The following PPARGC1A variants were observed in gnomAD, a reference collection of about 807,000 sequenced individuals.
PPARGC1A encodes the protein PPARG coactivator 1 alpha, also known as peroxisome proliferator-activated receptor gamma coactivator 1-alpha.
In PPARGC1A, 25 loss-of-function variants were observed where a neutral mutation model predicts 88.7. That is an observed-to-expected ratio of 0.28 (90% CI 0.21 to 0.39). The LOEUF (loss-of-function observed/expected upper bound fraction) is 0.39. Among genes scored for constraint, PPARGC1A ranks in the 10% least tolerant of loss-of-function variants. The pLI, the probability that PPARGC1A is intolerant of heterozygous loss-of-function variation, is 1.00. For synonymous variants in PPARGC1A, 363 were observed against 355.6 expected, an observed-to-expected ratio of 1.02 and a Z score of -0.24; for missense variants, 880 against 968.7, an observed-to-expected ratio of 0.91 and a Z score of 1.22.
At chr4:24,175,395 A>T in the PPARGC1A span, among the ~76,000 whole-genome samples, 1 of 119,380 alleles carries the variant, frequency 8.4e-6, no homozygotes, top group African/African-American at 3.2e-5. Context: ...TTTTTTTGAG[A>T]CAGAGTTTCA....
the PPARGC1A span, among the ~76,000 whole-genome samples, chr4:23,910,371 T>G: frequency 2.1e-5 from 2 of 97,548 alleles, no homozygotes; most frequent in Non-Finnish European, 3.8e-5. Context: ...ATATATTATA[T>G]TATATTATAT....
At chr4:24,112,145 T>G in the PPARGC1A span, among the ~76,000 whole-genome samples, 1 of 152,146 alleles carries the variant, frequency 6.6e-6, no homozygotes, top group Non-Finnish European at 1.5e-5. Flanking sequence ...AACCTCTAAG[T>G]CAGGAATGAC....
At position 23,884,909 on chromosome 4, in the gene PPARGC1A, T is replaced by C; in HGVS notation, c.77A>G (p.Asp26Gly). 6.2e-7 allele frequency: 1 copy of C among 1,613,506 alleles called. No homozygotes were observed. Among genetic ancestry groups the C allele is most frequent in the Non-Finnish European group, 8.5e-7 (1 of 1,179,702 alleles). The change falls in exon 2 of 13, where the codon GAC becomes GGC. Residue 26 changes from aspartate to glycine, a missense_variant. Physicochemically the swap from Asp to Gly is moderately conservative, Grantham distance 94. Coordinates refer to ENST00000264867, the MANE Select transcript of PPARGC1A (RefSeq NM_013261.5). Reference protein sequence around the residue: ...DIECAALVGEDQPLCPDLPEL... With the variant: ...DIECAALVGEGQPLCPDLPEL... ...AGGAAGATCTGGGCAAAGAGGCTGG[T>C]CTTCACCAACCAGAGCAGCACACTG... is the stretch of plus-strand genomic sequence containing the variant.
At chr4:24,262,771 GT>G in the PPARGC1A span, among the ~76,000 whole-genome samples, 25 of 147,406 alleles carry the variant, frequency 1.7e-4, no homozygotes, top group African/African-American at 2.2e-4. Flanking sequence ...CTGCTCCCTG[GT>G]TTTTTTTTTT....
At chr4:24,235,411 T>C in the PPARGC1A span, among the ~76,000 whole-genome samples, 1 of 152,270 alleles carries the variant, frequency 6.6e-6, no homozygotes, top group East Asian at 1.9e-4. Context: ...GTAAGGAGGA[T>C]TTTTCCCAGC....
At chr4:24,161,082 T>A in the PPARGC1A span, among the ~76,000 whole-genome samples, 1 of 152,212 alleles carries the variant, frequency 6.6e-6, no homozygotes, top group Non-Finnish European at 1.5e-5. Context: ...CTACCCTCAA[T>A]GAAATGGTTC....
chr4:23,863,564 G>A (rs1731626001), intron 2 of PPARGC1A, among the ~76,000 whole-genome samples: 1 of 152,112 alleles, frequency 6.6e-6, no homozygotes, highest in Admixed American at 6.6e-5. Context: ...CACCACTACT[G>A]TGTTGCTCAT....
chr4:24,391,995 T>C, the PPARGC1A span, among the ~76,000 whole-genome samples: 1 of 152,164 alleles, frequency 6.6e-6, no homozygotes, highest in Admixed American at 6.5e-5. Context: ...TAATGTAAAA[T>C]TGATCAAAAT....
At chr4:24,321,362 A>G in the PPARGC1A span, among the ~76,000 whole-genome samples, 2 of 152,226 alleles carry the variant, frequency 1.3e-5, no homozygotes, top group Admixed American at 1.3e-4. Context: ...ATTAAAATGC[A>G]TAATCCTATA....
chr4:24,265,371 G>A, the PPARGC1A span, among the ~76,000 whole-genome samples: 1 of 152,136 alleles, frequency 6.6e-6, no homozygotes, highest in African/African-American at 2.4e-5. Context: ...GGCAACATCT[G>A]AACACTTCTC....
the PPARGC1A span, among the ~76,000 whole-genome samples, chr4:24,217,926 T>C: frequency 0.059 from 9,055 of 152,274 alleles, 346 homozygotes; most frequent in South Asian, 0.11. Context: ...TGTAGTCTTC[T>C]AATGTTTCTA....
At chr4:24,129,473 G>A in the PPARGC1A span, among the ~76,000 whole-genome samples, 1 of 152,130 alleles carries the variant, frequency 6.6e-6, no homozygotes, top group Non-Finnish European at 1.5e-5. Flanking sequence ...CTTTACAGCT[G>A]TTTTGGAGAG....
chr4:23,949,819 A>G, the PPARGC1A span, among the ~76,000 whole-genome samples: 2 of 152,150 alleles, frequency 1.3e-5, no homozygotes, highest in Non-Finnish European at 2.9e-5. Flanking sequence ...GAATAAAAAC[A>G]AGCACATGCC....
chr4:23,984,580 T>G, the PPARGC1A span, among the ~76,000 whole-genome samples: 1 of 152,114 alleles, frequency 6.6e-6, no homozygotes, highest in Non-Finnish European at 1.5e-5. Context: ...AGGGAATAAA[T>G]TTTTAAAAAT....
chr4:24,414,852 C>T, the PPARGC1A span, among the ~76,000 whole-genome samples: 1 of 152,130 alleles, frequency 6.6e-6, no homozygotes, highest in African/African-American at 2.4e-5. Context: ...GACATGATGG[C>T]TAGAGCACAA....
chr4:24,464,444 T>C, the PPARGC1A span, among the ~76,000 whole-genome samples: 2 of 152,336 alleles, frequency 1.3e-5, no homozygotes, highest in African/African-American at 4.8e-5. Context: ...TAATCACTCA[T>C]TGTTAACATT....
the PPARGC1A span, among the ~76,000 whole-genome samples, chr4:24,336,158 C>T: frequency 6.6e-6 from 1 of 152,238 alleles, no homozygotes; most frequent in Non-Finnish European, 1.5e-5. Flanking sequence ...TCCTGAGCAC[C>T]TCCTCTCTAG....
Position 23,829,699 on chromosome 4 carries a change from T to C in PPARGC1A, c.430-114A>G, listed in dbSNP as rs141807172. ...TTATTATAATTATAAAAGTTAATTC[T>C]ATCATTTTATTTATGTCACACCTTA... On this transcript the variant is annotated intron_variant, in intron 3 of 12. Coordinates refer to ENST00000264867, the MANE Select transcript of PPARGC1A (RefSeq NM_013261.5). The C allele has an allele frequency of 2.9e-6, 3 of 1,033,922 alleles. No homozygotes were observed. The African/African-American group carries it at 4.8e-5, about 17-fold the overall frequency. The allele number at this position is 1,033,922 out of a possible 1,614,324, so 64.0% of individuals were successfully genotyped here.
intron 5 of PPARGC1A, among the ~76,000 whole-genome samples, chr4:23,825,839 T>G (rs1358974311): frequency 6.6e-6 from 1 of 152,166 alleles, no homozygotes; most frequent in Non-Finnish European, 1.5e-5. Context: ...CACAGATAAA[T>G]GAGCTGATTT....
Sources: gnomAD v4.1 joint callset for allele counts (sites outside exome capture counted in the v4.1 genomes callset) on GRCh38, gnomAD v4.1.1 for gene constraint, MANE v1.5 for transcripts, NCBI Gene and HGNC (gene_info 2026-07-23, HGNC 2026-07-21) for gene names.